MBNL3: variants seen among roughly 807,000 people sequenced by gnomAD.
MBNL3 encodes muscleblind-like protein 3.
In MBNL3, 6 loss-of-function variants were observed where a neutral mutation model predicts 24.5. The ratio of observed to expected loss-of-function variants is 0.25; its 90% CI spans 0.13 to 0.48. The LOEUF (loss-of-function observed/expected upper bound fraction) is 0.48, where lower values mean the gene tolerates loss of function less well. Among genes scored for constraint, MBNL3 ranks in the 20% least tolerant of loss-of-function variants. The probability of loss-of-function intolerance (pLI) is 0.99; values close to 1 mark genes in which losing one functional copy is unlikely to be tolerated. For synonymous variants in MBNL3, 100 were observed against 101.7 expected, an observed-to-expected ratio of 0.98 and a Z score of 0.10; for missense variants, 230 against 293.5, an observed-to-expected ratio of 0.78 and a Z score of 1.58.
rs945020256 is a variant in MBNL3 at position 132,390,941 on chromosome X, C to T, written c.677G>A (p.Arg226Gln). 2.5e-6 allele frequency: 3 copies of T among 1,209,174 alleles called. No homozygotes were observed. Among genetic ancestry groups the T allele is most frequent in the Non-Finnish European group, 3.4e-6 (3 of 894,966 alleles). Residue 226 changes from arginine to glutamine, a missense_variant, in exon 5 of 9, where the codon CGG becomes CAG. By Grantham distance (43) the Arg-to-Gln change is conservative. Coordinates refer to ENST00000370853, the MANE Select transcript of MBNL3 (RefSeq NM_001386889.1). ...CMDYIKGRCS[R>Q]EKCKYFHPPA... ...AGGATGAAAGTACTTGCATTTCTCC[C>T]GCGAGCATCGACCTTTGATGTAATC...
At chrX:132,479,480 A>G (rs1318917760) in intron 1 of MBNL3, among the ~76,000 whole-genome samples, 1 of 112,164 alleles carries the variant, frequency 8.9e-6, no homozygotes, top group Non-Finnish European at 1.9e-5. Context: ...TTTGAAATAT[A>G]TATTTTTTTG....
chrX:132,384,842 T>G (rs1168909801), intron 6 of MBNL3, 144 bp from the exon 7 acceptor site: 2 of 432,887 alleles, frequency 4.6e-6, no homozygotes, highest in African/African-American at 5.2e-5. Flanking sequence ...TCTCCCATGT[T>G]TACAATTACA....
chrX:132,409,751 ACT>A (rs753041560), intron 2 of MBNL3, among the ~76,000 whole-genome samples: 1 of 109,032 alleles, frequency 9.2e-6, no homozygotes. Flanking sequence ...ATGAAAATCA[ACT>A]CTCTCTCTCT....
chrX:132,452,110 A>C (rs1274514913), intron 1 of MBNL3, among the ~76,000 whole-genome samples: 2 of 111,132 alleles, frequency 1.8e-5, no homozygotes, highest in Non-Finnish European at 3.8e-5. Flanking sequence ...AGCTGTTCCT[A>C]TTCTACCATC....
chrX:132,418,982 C>G (rs979184638), intron 2 of MBNL3, among the ~76,000 whole-genome samples: 8 of 112,385 alleles, frequency 7.1e-5, no homozygotes, highest in Middle Eastern at 4.6e-3. Flanking sequence ...CCGTGTTGCA[C>G]AGGATGGTCT....
chrX:132,445,774 G>T (rs1272921347), intron 1 of MBNL3, among the ~76,000 whole-genome samples: 3 of 111,224 alleles, frequency 2.7e-5, no homozygotes, highest in African/African-American at 9.8e-5. Context: ...GCTAATAAAT[G>T]CCATTTAAAG....
At chrX:132,381,068 A>C (rs1192083134) in intron 8 of MBNL3, among the ~76,000 whole-genome samples, 1 of 112,138 alleles carries the variant, frequency 8.9e-6, no homozygotes, top group African/African-American at 3.2e-5. Flanking sequence ...ACTCAAAAGT[A>C]ATCTGTGCCT....
chrX:132,395,391 ACT>A (rs768045789), intron 3 of MBNL3, among the ~76,000 whole-genome samples: 1 of 111,732 alleles, frequency 8.9e-6, no homozygotes, highest in African/African-American at 3.2e-5. Flanking sequence ...AACTATACTG[ACT>A]CTGATTTATC....
At chrX:132,442,349 T>C (rs1945430773) in intron 1 of MBNL3, among the ~76,000 whole-genome samples, 2 of 112,119 alleles carry the variant, frequency 1.8e-5, no homozygotes, top group Admixed American at 9.5e-5. Context: ...GGATTAGCTA[T>C]CCCAAGCTTT....
At chrX:132,444,226 T>C (rs1945573762) in intron 1 of MBNL3, among the ~76,000 whole-genome samples, 1 of 110,397 alleles carries the variant, frequency 9.1e-6, no homozygotes, top group Non-Finnish European at 1.9e-5. Context: ...AAAGATTAAA[T>C]AGTAATTTAA....
At chrX:132,396,617 T>TATATATTCATATATATTC (rs1226604721) in intron 3 of MBNL3, among the ~76,000 whole-genome samples, 6 of 35,810 alleles carry the variant, frequency 1.7e-4, no homozygotes, top group African/African-American at 7.7e-4. Flanking sequence ...TATATATTCA[T>TATATATTCATATATATTC]ATATATATTC....
chrX:132,476,735 T>G (rs780878991), intron 1 of MBNL3, among the ~76,000 whole-genome samples: 1 of 112,154 alleles, frequency 8.9e-6, no homozygotes, highest in East Asian at 2.8e-4. Context: ...TTAGTTGGCT[T>G]GAGCACTCCC....
intron 2 of MBNL3, among the ~76,000 whole-genome samples, chrX:132,422,747 C>A (rs1448098569): frequency 9.0e-6 from 1 of 111,652 alleles, no homozygotes; most frequent in East Asian, 2.8e-4. Flanking sequence ...TTAATTGACA[C>A]CCTGCTAAAC....
chrX:132,452,153 T>C (rs887631827), intron 1 of MBNL3, among the ~76,000 whole-genome samples: 1 of 111,750 alleles, frequency 8.9e-6, no homozygotes, highest in South Asian at 3.8e-4. Context: ...CACTTAAATA[T>C]GTTAAACTAG....
intron 1 of MBNL3, among the ~76,000 whole-genome samples, chrX:132,449,464 C>CTTTTTTTTTTTTTT (rs751006249): frequency 6.7e-5 from 2 of 29,784 alleles, no homozygotes; most frequent in East Asian, 1.2e-3. Flanking sequence ...GCAACCCCTG[C>CTTTTTTTTTTTTTT]TTTTTTTTTT....
intron 3 of MBNL3, among the ~76,000 whole-genome samples, chrX:132,398,297 G>A (rs1408015678): frequency 1.8e-5 from 2 of 111,340 alleles, no homozygotes; most frequent in East Asian, 5.6e-4. Flanking sequence ...CCTAAACACA[G>A]ATCAGCACAT....
intron 3 of MBNL3, among the ~76,000 whole-genome samples, chrX:132,404,595 C>T (rs998618820): frequency 3.6e-5 from 4 of 112,144 alleles, no homozygotes; most frequent in African/African-American, 1.3e-4. Flanking sequence ...CAGAACATGA[C>T]ATCTATTTAT....
chrX:132,440,501 A>G (rs1176179069), intron 1 of MBNL3, among the ~76,000 whole-genome samples, 187 bp from the exon 2 acceptor site: 1 of 111,969 alleles, frequency 8.9e-6, no homozygotes, highest in Non-Finnish European at 1.9e-5. Flanking sequence ...TGTATAGTAA[A>G]AGCAAGCAAC....
chrX:132,396,814 ACATATATATATT>A (rs1204803829), intron 3 of MBNL3, among the ~76,000 whole-genome samples: 2 of 21,110 alleles, frequency 9.5e-5, no homozygotes, highest in South Asian at 2.2e-3. Flanking sequence ...ATTCATATAT[ACATATATATATT>A]CATATATATA....
Sources: allele counts gnomAD v4.1 joint callset (sites outside exome capture counted in the v4.1 genomes callset), GRCh38; gene constraint gnomAD v4.1.1; transcripts MANE v1.5; gene names NCBI Gene and HGNC (gene_info 2026-07-23, HGNC 2026-07-21).